Variants in NAV1 observed in about 807,000 individuals in gnomAD.
NAV1 encodes neuron navigator 1, also known as pore membrane and/or filament interacting like protein 3.
A neutral mutation model predicts 175.2 loss-of-function variants in NAV1; 18 were observed. That is an observed-to-expected ratio of 0.10 (90% CI 0.07 to 0.15). NAV1 has a LOEUF of 0.15. Among genes scored for constraint, NAV1 ranks in the 10% least tolerant of loss-of-function variants. The probability of loss-of-function intolerance (pLI) is 1.00; values close to 1 mark genes in which losing one functional copy is unlikely to be tolerated. For missense variants in NAV1, 1,731 were observed against 2,436.6 expected (o/e 0.71, Z 6.10); for synonymous variants, 897 against 978.7 (o/e 0.92, Z 1.56).
exon 30 of NAV1, chr1:201,819,974 G>T: frequency 6.3e-7 from 1 of 1,578,818 alleles, no homozygotes; most frequent in Non-Finnish European, 8.7e-7. Context: ...CAGAACGCTG[G>T]CATCAGCTAT....
chr1:201,564,411 T>G (rs1666296113), intron 1 of NAV1, among the ~76,000 whole-genome samples: 1 of 152,082 alleles, frequency 6.6e-6, no homozygotes, highest in Non-Finnish European at 1.5e-5. Context: ...GGTCAGGTGT[T>G]CGAGACCAGC....
At chr1:201,699,414 C>G (rs1671319316) in intron 1 of NAV1, among the ~76,000 whole-genome samples, 1 of 151,954 alleles carries the variant, frequency 6.6e-6, no homozygotes, top group Non-Finnish European at 1.5e-5. Context: ...AGGAGAACTA[C>G]AAACCACTGC....
At chr1:201,766,529 A>C (rs1206075255) in intron 3 of NAV1, among the ~76,000 whole-genome samples, 1 of 119,686 alleles carries the variant, frequency 8.4e-6, no homozygotes, top group Non-Finnish European at 1.8e-5. Flanking sequence ...CTCTTCTATT[A>C]TCTTTTTTTT....
intron 2 of NAV1, among the ~76,000 whole-genome samples, chr1:201,715,400 T>C (rs1672097175): frequency 1.3e-5 from 2 of 152,182 alleles, no homozygotes; most frequent in African/African-American, 4.8e-5. Flanking sequence ...CCTCAGGTAA[T>C]CCACCCACTT....
At chr1:201,634,840 G>A (rs1441212486) in intron 2 of NAV1, among the ~76,000 whole-genome samples, 1 of 152,048 alleles carries the variant, frequency 6.6e-6, no homozygotes, top group African/African-American at 2.4e-5. Flanking sequence ...GTGATTCTAC[G>A]TGGTTTTTGC....
chr1:201,670,710 G>A (rs992065347), intron 1 of NAV1, among the ~76,000 whole-genome samples: 28 of 151,964 alleles, frequency 1.8e-4, no homozygotes, highest in African/African-American at 6.5e-4. Flanking sequence ...GTGGTGTCTC[G>A]GTAATGCTGG....
At chr1:201,610,294 A>C (rs1667808661) in intron 2 of NAV1, among the ~76,000 whole-genome samples, 1 of 152,258 alleles carries the variant, frequency 6.6e-6, no homozygotes. Flanking sequence ...CACGTGGACC[A>C]AATCAGCGAA....
chr1:201,756,794 CTCTTTCTTTCTTTCCTTCTTTCTTTCTT>C (rs1188314575), intron 3 of NAV1, among the ~76,000 whole-genome samples: 13,050 of 143,584 alleles, frequency 0.091, 1,034 homozygotes, highest in African/African-American at 0.16. Context: ...ATGAGCAATT[CTCTTTCTTTCTTTCCTTCTTTCTTTCTT>C]TCTTTCTTTC....
rs758653091 is a variant in NAV1 at position 201,740,716 on chromosome 1, G to A, written c.1226+21961G>A. ...GGAAGGGGTGAAAAATCGGAGAGCC[G>A]GGTAATTTGGGGAGACGCACAGTGA... is the stretch of plus-strand genomic sequence containing the variant. On this transcript the variant is annotated intron_variant, in intron 3 of 29. Coordinates refer to ENST00000367296, the Ensembl canonical transcript of NAV1. The surrounding 1 kb of genome is among the most constrained non-coding windows in gnomAD (Gnocchi z 4.7). Among the ~76,000 whole-genome samples the A allele has an allele frequency of 3.3e-5, 5 of 152,094 alleles. No homozygotes were observed. The highest frequency in any genetic ancestry group is 5.9e-5 in the Non-Finnish European group (4 of 67,998).
At chr1:201,589,078 C>T (rs992699784) in intron 2 of NAV1, among the ~76,000 whole-genome samples, 1 of 152,090 alleles carries the variant, frequency 6.6e-6, no homozygotes, top group Non-Finnish European at 1.5e-5. Context: ...AAACTCCTGA[C>T]CTCAGGTGAT....
Position 201,740,006 on chromosome 1 carries a change from C to A in NAV1, c.1226+21251C>A. The A allele has an allele frequency of 6.8e-7, 1 of 1,466,366 alleles. No homozygotes were observed. Among genetic ancestry groups the A allele is most frequent in the South Asian group, 1.4e-5 (1 of 72,510 alleles). 90.8% of individuals were successfully genotyped at this position (1,466,366 alleles called of 1,614,324 possible). On this transcript the variant is annotated intron_variant, in intron 3 of 29. Transcript: ENST00000367296. This position sits in a 1 kb window ranked among gnomAD's most constrained non-coding sequence, Gnocchi z 4.7. ...CGCTGGGTGCCCACCCGGTGAATGGCCGCCTGAGCCGGGGAAGATGCTTCA... is the reference window on the plus strand; with the variant it reads ...CGCTGGGTGCCCACCCGGTGAATGGACGCCTGAGCCGGGGAAGATGCTTCA...
At chr1:201,649,448 G>A in intron 1 of NAV1, 23 bp downstream of exon 5, 1 of 633,866 alleles carries the variant, frequency 1.6e-6, no homozygotes, top group Non-Finnish European at 2.5e-6. Flanking sequence ...GCCCCGCCCC[G>A]CCCCGCCCCT....
intron 1 of NAV1, among the ~76,000 whole-genome samples, chr1:201,540,970 TCCAGGTGAAAGAGAACA>T (rs532629466): frequency 3.5e-4 from 53 of 152,350 alleles, no homozygotes; most frequent in East Asian, 2.1e-3. Flanking sequence ...TCCTGAACTT[TCCAGGTGAAAGAGAACA>T]CCAGGTGAAA....
intron 1 of NAV1, among the ~76,000 whole-genome samples, chr1:201,685,385 G>A (rs1670644772): frequency 6.6e-6 from 1 of 152,186 alleles, no homozygotes; most frequent in South Asian, 2.1e-4. Flanking sequence ...ACTCAGACCA[G>A]CCCCATCACA....
chr1:201,591,635 G>A (rs746624252), intron 2 of NAV1, among the ~76,000 whole-genome samples: 1 of 152,168 alleles, frequency 6.6e-6, no homozygotes, highest in Non-Finnish European at 1.5e-5. Flanking sequence ...CTGGCTCTCT[G>A]GGTAGGAGAC....
At chr1:201,563,211 T>TC (rs1666254186) in intron 1 of NAV1, among the ~76,000 whole-genome samples, 1 of 151,956 alleles carries the variant, frequency 6.6e-6, no homozygotes, top group African/African-American at 2.4e-5. Context: ...CTGGTCACGC[T>TC]CCCCCTGTGC....
chr1:201,782,299 T>C lies in NAV1; in HGVS notation c.1787T>C (p.Ile596Thr), dbSNP rs1388336273. The C allele has an allele frequency of 6.2e-7, 1 of 1,614,158 alleles. No homozygotes were observed. Among genetic ancestry groups the C allele is most frequent in the East Asian group, 2.2e-5 (1 of 44,864 alleles). ...GATGCTAAGAAGCCCCCCTCGGGCA[T>C]TGCTCGCCCCTCCACTTCGGGATCC... Residue 596 changes from isoleucine to threonine, a missense_variant, in exon 6 of 30, where the codon ATT becomes ACT. Physicochemically the swap from Ile to Thr is moderately conservative, Grantham distance 89. This residue lies in a region of NAV1 where 634 missense variants were observed against 766.8 expected (regional missense o/e 0.83). Transcript: ENST00000367296. The surrounding 1 kb of genome is among the most constrained non-coding windows in gnomAD (Gnocchi z 5.4).
chr1:201,584,984 C>G (rs535317940), intron 1 of NAV1, among the ~76,000 whole-genome samples: 18 of 152,364 alleles, frequency 1.2e-4, no homozygotes, highest in African/African-American at 4.1e-4. Flanking sequence ...AATCCTCACT[C>G]TGGAAGCAAC....
intron 1 of NAV1, among the ~76,000 whole-genome samples, chr1:201,574,007 G>C (rs1666622065): frequency 6.6e-6 from 1 of 151,896 alleles, no homozygotes; most frequent in Admixed American, 6.6e-5. Context: ...AGTGAGCTAT[G>C]ATAGTGGCGG....
Sources: allele counts gnomAD v4.1 joint callset (sites outside exome capture counted in the v4.1 genomes callset), GRCh38; gene constraint gnomAD v4.1.1; regional missense constraint gnomAD v4.1.1; non-coding constraint Gnocchi (gnomAD v3.1); transcripts MANE v1.5; gene names NCBI Gene and HGNC (gene_info 2026-07-23, HGNC 2026-07-21).